GDF5: variants seen among roughly 807,000 people sequenced by gnomAD.
GDF5 encodes the protein growth differentiation factor 5.
Under a neutral mutation model 34.6 loss-of-function variants are expected in GDF5, and 17 were observed. The ratio of observed to expected loss-of-function variants is 0.49; its 90% CI spans 0.34 to 0.74. The LOEUF is 0.74. GDF5 is among the 30% of genes least tolerant of loss of function. The pLI is 0.01. For missense variants in GDF5, 616 were observed against 661.2 expected (o/e 0.93, Z 0.75); for synonymous variants, 332 against 290.7 (o/e 1.14, Z -1.44).
chr20:35,444,998 C>T (rs918007293), intron 1 of GDF5, among the ~76,000 whole-genome samples: 7 of 151,784 alleles, frequency 4.6e-5, no homozygotes, highest in Admixed American at 6.6e-5. Context: ...CCTCCCAAAG[C>T]GCTGGGATTA....
Position 35,433,669 on chromosome 20 carries a change from C to A in GDF5, c.*240G>T. The A allele has an allele frequency of 1.7e-6, 1 of 585,044 alleles. No homozygotes were observed. 36.2% of individuals were successfully genotyped at this position (585,044 alleles called of 1,614,324 possible). A position where few individuals can be genotyped will look rare whatever the true frequency, so the allele number is the denominator to read the frequency against. Reference sequence around the variant, plus strand: ...CCCATTCAGAGTCTGTCTCCCTGGACCTGTGCCTGCCACTGGTCACATCAG... The same window carrying A: ...CCCATTCAGAGTCTGTCTCCCTGGAACTGTGCCTGCCACTGGTCACATCAG... On this transcript the variant is annotated 3_prime_UTR_variant, in exon 2 of 2. Coordinates refer to ENST00000374369, the MANE Select transcript of GDF5 (RefSeq NM_000557.5).
chr20:35,445,183 TC>T (rs1005828027), intron 1 of GDF5, among the ~76,000 whole-genome samples: 14 of 152,158 alleles, frequency 9.2e-5, no homozygotes, highest in African/African-American at 3.4e-4. Flanking sequence ...ATTTCATCTC[TC>T]CCTGCCTCAG....
At chr20:35,448,095 C>T (rs1198589135) in intron 1 of GDF5, among the ~76,000 whole-genome samples, 2 of 152,126 alleles carry the variant, frequency 1.3e-5, no homozygotes, top group African/African-American at 4.8e-5. Context: ...AAGTTCCCCT[C>T]TCCCCTCACA....
In GDF5 at chr20:35,434,680, C is replaced by A. The variant is rs1435923697; in HGVS notation, c.735G>T (p.Lys245Asn). 3.7e-6 allele frequency: 6 copies of A among 1,613,052 alleles called. No individual in the cohort carries two copies. In the African/African-American group the frequency reaches 8.0e-5, roughly 21 times the overall value. ...LGAELRILRK[K>N]PSDTAKPAAP... The stretch of plus-strand genomic sequence containing the variant: ...CCGCTGGCTTGGCCGTGTCCGAGGG[C>A]TTCTTCCGCAAGATCCGCAGCTCGG... Residue 245 changes from lysine (K) to asparagine (N), a missense_variant, in exon 2 of 2, where the codon AAG becomes AAT. By Grantham distance (94) the Lys-to-Asn change is moderately conservative. Transcript: ENST00000374369.
In GDF5 at chr20:35,434,620, C is replaced by T. The variant is rs765035421; in HGVS notation, c.795G>A (p.Leu265=). Residue 265 remains leucine (L), a synonymous_variant, in exon 2 of 2, where the codon CTG becomes CTA. Coordinates refer to ENST00000374369, the MANE Select transcript of GDF5 (RefSeq NM_000557.5). ...GCTGCCGGCCGCTGGGGCAGCTGGA[C>T]AGCTTCAGCTGGGCAGCCCGCCCGC... The part of the protein sequence containing the change: ...PGGGRAAQLK[L]SSCPSGRQPA... 24 of 1,601,944 alleles carry T rather than the reference C, an allele frequency of 1.5e-5. No individual in the cohort carries two copies. Among genetic ancestry groups the T allele is most frequent in the Non-Finnish European group, 2.0e-5 (24 of 1,171,818 alleles).
rs1033368537 is a variant in GDF5, at chr20:35,434,653, G to A, written c.762C>T (p.Ala254=). The A allele has an allele frequency of 1.2e-6, 2 of 1,609,374 alleles. No individual in the cohort carries two copies. Among genetic ancestry groups the A allele is most frequent in the Admixed American group, 1.7e-5 (1 of 59,868 alleles). The change falls in exon 2 of 2, where the codon GCC becomes GCT. Residue 254 remains alanine, a synonymous_variant. Transcript: ENST00000374369. ...KKPSDTAKPA[A]PGGGRAAQLK... ...GCTGGGCAGCCCGCCCGCCTCCGGG[G>A]GCCGCTGGCTTGGCCGTGTCCGAGG...
rs910476735 is a variant in GDF5 at position 35,444,272 on chromosome 20, T to C, written c.-397-2885A>G. ...ACACATAAGAGAATGCTAAGTGCTG[T>C]GAAGAAAAATTAAGCAGGGTCAAAG... On this transcript the variant is annotated intron_variant, in intron 1 of 3. Coordinates refer to the GDF5 transcript ENST00000374372. Among the ~76,000 whole-genome samples, 14 of 152,138 alleles carry C rather than the reference T, an allele frequency of 9.2e-5. No individual in the cohort carries two copies. The Middle Eastern group carries it at 9.5e-3, about 103-fold the overall frequency.
At chr20:35,438,861 T>TGTGTTTG (rs2062487582), upstream of GDF5, among the ~76,000 whole-genome samples, 1 of 33,322 alleles carries the variant, frequency 3.0e-5, no homozygotes, top group African/African-American at 1.3e-4. Context: ...GTGTGTGTGT[T>TGTGTTTG]TATGTGCCTG....
Position 35,434,544 on chromosome 20 carries a change from A to C in GDF5, c.871T>G (p.Trp291Gly), listed in dbSNP as rs754761078. 2.5e-6 allele frequency: 4 copies of C among 1,599,156 alleles called. No individual in the cohort carries two copies. Among genetic ancestry groups the C allele is most frequent in the Non-Finnish European group, 3.4e-6 (4 of 1,171,958 alleles). Residue 291 changes from tryptophan to glycine, a missense_variant, in exon 2 of 2, where the codon TGG becomes GGG. Coordinates refer to ENST00000374369, the MANE Select transcript of GDF5 (RefSeq NM_000557.5). ...AGCTTCCAGATGTCGAACACCTCCC[A>C]GCCAGATCCGTCCAGGCCTGGCACG... ...RSVPGLDGSG[W>G]EVFDIWKLFR...
At chr20:35,440,807 A>G (rs2062495245), upstream of GDF5, among the ~76,000 whole-genome samples, 1 of 152,220 alleles carries the variant, frequency 6.6e-6, no homozygotes, top group South Asian at 2.1e-4. Context: ...GATTATGACT[A>G]GACTGTGCCA....
At chr20:35,445,934 A>G (rs111681664) in intron 1 of GDF5, among the ~76,000 whole-genome samples, 5 of 152,086 alleles carry the variant, frequency 3.3e-5, no homozygotes, top group South Asian at 2.1e-4. Context: ...GCGCCATTGC[A>G]CTCCAGCGTG....
chr20:35,451,090 T>TATATATATATATATAC (rs2062531792), intron 1 of GDF5, among the ~76,000 whole-genome samples: 1 of 131,364 alleles, frequency 7.6e-6, no homozygotes, highest in Non-Finnish European at 1.7e-5. Flanking sequence ...TATATATATA[T>TATATATATATATATAC]ATACACAAAT....
chr20:35,438,358 TCACACA>T (rs3055779), upstream of GDF5: 68 of 160,118 alleles, frequency 4.2e-4, no homozygotes, highest in South Asian at 9.3e-4. Context: ...TGAAAATACT[TCACACA>T]CACACACACA....
intron 1 of GDF5, among the ~76,000 whole-genome samples, chr20:35,445,580 T>C (rs1168740173): frequency 1.3e-5 from 2 of 151,286 alleles, no homozygotes; most frequent in Non-Finnish European, 2.9e-5. Context: ...AGGAAAATCA[T>C]TTGAACCCAG....
intron 1 of GDF5, chr20:35,435,206 T>C: frequency 2.6e-6 from 1 of 381,532 alleles, no homozygotes; most frequent in Non-Finnish European, 4.9e-6. Context: ...ATCCCAGCAC[T>C]TTGGGAGGCT....
chr20:35,437,778 G>T lies in GDF5; in HGVS notation c.151C>A (p.Pro51Thr), dbSNP rs752406359. The change falls in exon 1 of 2, where the codon CCC becomes ACC. Residue 51 changes from proline (P) to threonine (T), a missense_variant. Pro to Thr is a conservative substitution (Grantham distance 38). Transcript: ENST00000374369. ...CTGAAGACGTTCCGGGCCAGGGGGG[G>T]CCTCTCCTTGGCCTCTGCTTTGGCC... is the stretch of plus-strand genomic sequence containing the variant. ...GLAKAEAKER[P>T]PLARNVFRPG... The T allele has an allele frequency of 6.2e-7, 1 of 1,612,970 alleles. No individual in the cohort carries two copies.
At chr20:35,438,245 G>A, upstream of GDF5, 1 of 433,806 alleles carries the variant, frequency 2.3e-6, no homozygotes, top group South Asian at 2.3e-5. Context: ...GGGCTTGAAG[G>A]AGGCTTGTAT....
intron 1 of GDF5, among the ~76,000 whole-genome samples, chr20:35,445,461 C>T (rs901609899): frequency 1.3e-5 from 2 of 151,476 alleles, no homozygotes; most frequent in Admixed American, 1.3e-4. Flanking sequence ...TTCAGAAGTT[C>T]GAGACCAGCC....
upstream of GDF5, among the ~76,000 whole-genome samples, chr20:35,439,235 G>A (rs1262822721): frequency 1.4e-5 from 2 of 145,242 alleles, no homozygotes; most frequent in Non-Finnish European, 3.0e-5. Flanking sequence ...CCCACATGAC[G>A]CTTTTTTTTT....
Sources: gnomAD v4.1 joint callset for allele counts (sites outside exome capture counted in the v4.1 genomes callset) on GRCh38, gnomAD v4.1.1 for gene constraint, MANE v1.5 for transcripts, NCBI Gene and HGNC (gene_info 2026-07-23, HGNC 2026-07-21) for gene names.